The following RBM25 variants were observed in gnomAD, a reference collection of about 807,000 sequenced individuals.
RBM25 encodes RNA binding motif protein 25.
Under a neutral mutation model 120.7 loss-of-function variants are expected in RBM25, and 19 were observed. The ratio of observed to expected loss-of-function variants is 0.16; its 90% CI spans 0.11 to 0.23. The LOEUF is 0.23. Ranked by LOEUF, RBM25 falls within the 10% of genes least tolerant of loss-of-function variation. The probability of loss-of-function intolerance (pLI) is 1.00; values close to 1 mark genes in which losing one functional copy is unlikely to be tolerated. For synonymous variants in RBM25, 390 were observed against 326.7 expected, an observed-to-expected ratio of 1.19 and a Z score of -2.09; for missense variants, 605 against 1,041.5, an observed-to-expected ratio of 0.58 and a Z score of 5.77.
intron 18 of RBM25, among the ~76,000 whole-genome samples, chr14:73,117,141 C>CTTTAATTAAT (rs996498172): frequency 6.5e-5 from 9 of 138,902 alleles, no homozygotes; most frequent in Non-Finnish European, 9.3e-5. Context: ...ATCAAAAGTT[C>CTTTAATTAAT]TTTAATTAAT....
chr14:73,122,638 C>T lies in RBM25; in HGVS notation c.*2833C>T, dbSNP rs1896557020. ...AAAAAAGTAGTAGAATACTACTTTT[C>T]TTTATTTGTCCCTAAAAATAAAGTA... On this transcript the variant is annotated 3_prime_UTR_variant, in exon 19 of 19. Coordinates refer to ENST00000261973, the MANE Select transcript of RBM25 (RefSeq NM_021239.3). 1 of 152,128 alleles carries T rather than the reference C, an allele frequency of 6.6e-6. No homozygotes were observed. Among genetic ancestry groups the T allele is most frequent in the South Asian group, 2.1e-4 (1 of 4,822 alleles). 9.4% of individuals were successfully genotyped at this position (152,128 alleles called of 1,614,324 possible).
At chr14:73,061,767 C>G (rs1895011371) in intron 1 of RBM25, among the ~76,000 whole-genome samples, 1 of 151,264 alleles carries the variant, frequency 6.6e-6, no homozygotes, top group South Asian at 2.1e-4. Context: ...GGGGTTTCAC[C>G]ATGTTGCCCA....
intron 8 of RBM25, 53 bp downstream of exon 8, chr14:73,099,486 A>G: frequency 6.3e-7 from 1 of 1,593,768 alleles, no homozygotes; most frequent in Non-Finnish European, 8.6e-7. Flanking sequence ...CTGATTGTTG[A>G]TTTGTCATTC....
chr14:73,090,386 C>T (rs1471636891), intron 6 of RBM25, among the ~76,000 whole-genome samples: 2 of 152,110 alleles, frequency 1.3e-5, no homozygotes, highest in African/African-American at 4.8e-5. Context: ...ATTCAAGGCT[C>T]ACTCCAGTCC....
chr14:73,111,948 G>T, intron 16 of RBM25, 146 bp downstream of exon 16: 1 of 1,195,192 alleles, frequency 8.4e-7, no homozygotes, highest in Admixed American at 2.7e-5. Context: ...CAATGCCATG[G>T]TCAAGAAATT....
At chr14:73,113,697 TAAA>T (rs1023467436) in intron 17 of RBM25, among the ~76,000 whole-genome samples, 1 of 149,864 alleles carries the variant, frequency 6.7e-6, no homozygotes, top group Admixed American at 6.6e-5. Flanking sequence ...TGTCTCAAAA[TAAA>T]AAAAAAGAAA....
At chr14:73,063,871 T>C (rs79531369) in intron 1 of RBM25, among the ~76,000 whole-genome samples, 2,618 of 151,652 alleles carry the variant, frequency 0.017, 80 homozygotes, top group East Asian at 0.049. Flanking sequence ...TTGTGTTACA[T>C]AGCCCTACAC....
Position 73,119,993 on chromosome 14 carries a change from T to C in RBM25, c.*188T>C, listed in dbSNP as rs1346801920. On this transcript the variant is annotated 3_prime_UTR_variant, in exon 19 of 19. Coordinates refer to ENST00000261973, the MANE Select transcript of RBM25 (RefSeq NM_021239.3). ...TCCCTTGGTTGTAAAGTCATCTGAA[T>C]CCTTGGTTCTCTTTATACTCACCAG... 13 of 806,096 alleles carry C rather than the reference T, an allele frequency of 1.6e-5. No homozygotes were observed. The highest frequency in any genetic ancestry group is 2.3e-5 in the Non-Finnish European group (13 of 565,306). 49.9% of individuals were successfully genotyped at this position (806,096 alleles called of 1,614,324 possible).
At chr14:73,085,635 C>T (rs1364681904) in intron 5 of RBM25, among the ~76,000 whole-genome samples, 3 of 151,396 alleles carry the variant, frequency 2.0e-5, no homozygotes, top group Admixed American at 6.6e-5. Context: ...TTAATAGAGG[C>T]GGGATTTTGC....
At chr14:73,105,052 C>CAA (rs927633484) in intron 10 of RBM25, among the ~76,000 whole-genome samples, 1 of 151,526 alleles carries the variant, frequency 6.6e-6, no homozygotes, top group African/African-American at 2.4e-5. Flanking sequence ...CACACACACA[C>CAA]ACACACACAC....
At chr14:73,066,338 A>C (rs976889408) in intron 1 of RBM25, among the ~76,000 whole-genome samples, 1 of 152,116 alleles carries the variant, frequency 6.6e-6, no homozygotes, top group Non-Finnish European at 1.5e-5. Flanking sequence ...TGCCAAGTAT[A>C]TTAAATCCTC....
intron 5 of RBM25, among the ~76,000 whole-genome samples, chr14:73,085,579 G>C (rs918243116): frequency 1.6e-4 from 25 of 151,802 alleles, no homozygotes; most frequent in Admixed American, 1.6e-3. Context: ...TGAGTAGCCA[G>C]GATTACAGGC....
Position 73,106,276 on chromosome 14 carries a change from A to G in RBM25, c.1458A>G (p.Arg486=). 1.3e-6 allele frequency: 2 copies of G among 1,590,288 alleles called. No individual in the cohort carries two copies. The highest frequency in any genetic ancestry group is 1.2e-5 in the South Asian group (1 of 85,716). Residue 486 remains arginine, a synonymous_variant, in exon 12 of 19, where the codon AGA becomes AGG. Transcript: ENST00000261973. ...EKEAEREEER[R]REMAKEAKRL... ...AAGCTGAAAGAGAAGAAGAAAGAAG[A>G]AGAGAAATGGTAAGATTCTAGGCTA...
Position 73,080,157 on chromosome 14 carries a change from C to G in RBM25, c.324+2621C>G, listed in dbSNP as rs1466928322. On this transcript the variant is annotated intron_variant, in intron 4 of 18. Transcript: ENST00000261973. ...GCAGCTTTACAAGATAATTCCACAC[C>G]AATTTATTTATATTTACTGCAGCAG... Among the ~76,000 whole-genome samples, 27 of 146,262 alleles carry G rather than the reference C, an allele frequency of 1.8e-4. 1 individual carries two copies. Among genetic ancestry groups the G allele is most frequent in the Admixed American group, 1.8e-3 (27 of 14,646 alleles).
chr14:73,075,963 A>T (rs544023950), intron 2 of RBM25, among the ~76,000 whole-genome samples: 3 of 152,166 alleles, frequency 2.0e-5, no homozygotes, highest in African/African-American at 7.2e-5. Flanking sequence ...CTTTTAAAGG[A>T]TTCTTTAATA....
intron 1 of RBM25, among the ~76,000 whole-genome samples, chr14:73,066,930 T>G (rs1895150192): frequency 6.6e-6 from 1 of 152,178 alleles, no homozygotes; most frequent in African/African-American, 2.4e-5. Context: ...TATGAAATTG[T>G]GAGAATTTTG....
chr14:73,109,500 A>C lies in RBM25; in HGVS notation c.1692+8A>C, dbSNP rs765208763. On this transcript the variant is annotated splice_region_variant and intron_variant, in intron 14 of 18. Coordinates refer to ENST00000261973, the MANE Select transcript of RBM25 (RefSeq NM_021239.3). ...GATGCAGAGCTCCAGAGGGTAAGAT[A>C]CTGTACCATCTGGTCGGGCGCGGTG... 4.3e-6 allele frequency: 7 copies of C among 1,611,656 alleles called. No homozygotes were observed. The highest frequency in any genetic ancestry group is 2.2e-5 in the South Asian group (2 of 90,802).
At chr14:73,119,631 AC>A in intron 18 of RBM25, 81 bp from the exon 19 acceptor site, 1 of 1,577,132 alleles carries the variant, frequency 6.3e-7, no homozygotes, top group Non-Finnish European at 8.6e-7. Flanking sequence ...TGGATGAAAA[AC>A]TTTTTTATAC....
intron 1 of RBM25, among the ~76,000 whole-genome samples, chr14:73,069,199 G>A (rs184103460): frequency 3.3e-5 from 5 of 152,258 alleles, no homozygotes; most frequent in East Asian, 1.9e-4. Flanking sequence ...CCACCATCCC[G>A]GCTTGGAATA....
Sources: allele counts gnomAD v4.1 joint callset (sites outside exome capture counted in the v4.1 genomes callset), GRCh38; gene constraint gnomAD v4.1.1; transcripts MANE v1.5; gene names NCBI Gene and HGNC (gene_info 2026-07-23, HGNC 2026-07-21).